FOXP2: variants seen among roughly 807,000 people sequenced by gnomAD.
FOXP2 encodes forkhead box P2, also known as forkhead box protein P2.
Under a neutral mutation model 115.8 loss-of-function variants are expected in FOXP2, and 12 were observed. The ratio of observed to expected loss-of-function variants is 0.10; its 90% CI spans 0.07 to 0.17. FOXP2 has a LOEUF of 0.17. FOXP2 is among the 10% of genes least tolerant of loss of function. FOXP2 has a pLI of 1.00. For synonymous variants in FOXP2, 328 were observed against 297.7 expected, an observed-to-expected ratio of 1.10 and a Z score of -1.05; for missense variants, 629 against 843.5, an observed-to-expected ratio of 0.75 and a Z score of 3.15.
chr7:114,139,270 G>A (rs1190421132), intron 1 of FOXP2, among the ~76,000 whole-genome samples: 2 of 152,034 alleles, frequency 1.3e-5, no homozygotes, highest in East Asian at 3.9e-4. Context: ...CATCCTCTGG[G>A]CCTGTAGTTT....
intron 1 of FOXP2, chr7:114,287,880 A>G: frequency 3.9e-6 from 1 of 259,192 alleles, no homozygotes; most frequent in Non-Finnish European, 7.7e-6. Flanking sequence ...AATATTCACA[A>G]AGTAATGCAT....
intron 1 of FOXP2, among the ~76,000 whole-genome samples, chr7:114,262,391 T>C (rs937645062): frequency 1.3e-5 from 2 of 152,148 alleles, no homozygotes; most frequent in African/African-American, 4.8e-5. Flanking sequence ...ATCATTGCAC[T>C]CCAGCCTAGG....
intron 3 of FOXP2, among the ~76,000 whole-genome samples, chr7:114,549,511 G>A (rs1160724256): frequency 6.6e-6 from 1 of 152,138 alleles, no homozygotes; most frequent in Non-Finnish European, 1.5e-5. Context: ...AAGAATGTGA[G>A]GTCTCTATGC....
intron 16 of FOXP2, among the ~76,000 whole-genome samples, chr7:114,670,184 C>T (rs1807418170): frequency 6.6e-6 from 1 of 151,902 alleles, no homozygotes; most frequent in Non-Finnish European, 1.5e-5. Flanking sequence ...TTATTTTCTC[C>T]TGTTAGTAAA....
At chr7:114,128,215 C>A (rs1223879096) in intron 1 of FOXP2, among the ~76,000 whole-genome samples, 1 of 152,050 alleles carries the variant, frequency 6.6e-6, no homozygotes, top group African/African-American at 2.4e-5. Flanking sequence ...TGTAAAAGAC[C>A]TTGGTTTTAA....
intron 8 of FOXP2, 135 bp from the exon 9 acceptor site, chr7:114,652,068 C>T: frequency 1.3e-6 from 1 of 773,138 alleles, no homozygotes; most frequent in Non-Finnish European, 2.3e-6. Flanking sequence ...TAACTTTTAT[C>T]TGTATGGTTT....
In FOXP2 at chr7:114,537,938, T is replaced by C. The variant is rs1043695237; in HGVS notation, c.258+3232T>C. On this transcript the variant is annotated intron_variant, in intron 3 of 16. Coordinates refer to ENST00000350908, the MANE Select transcript of FOXP2 (RefSeq NM_014491.4). ...AGATGTTTCTGCTTTACATTCTTAC[T>C]GTGTATACCAGAAAACATATCCTAA... Among the ~76,000 whole-genome samples the C allele has an allele frequency of 6.6e-5, 10 of 151,696 alleles. 1 individual carries two copies. Among genetic ancestry groups the C allele is most frequent in the African/African-American group, 1.9e-4 (8 of 41,418 alleles).
chr7:114,089,881 T>C (rs184780096), intron 1 of FOXP2, among the ~76,000 whole-genome samples: 346 of 152,146 alleles, frequency 2.3e-3, no homozygotes, highest in Non-Finnish European at 3.2e-3. Context: ...TATTGAAGTA[T>C]GTGAAAATAA....
intron 2 of FOXP2, among the ~76,000 whole-genome samples, chr7:114,430,465 T>G (rs997311520): frequency 6.6e-6 from 1 of 151,804 alleles, no homozygotes; most frequent in Non-Finnish European, 1.5e-5. Context: ...ATTTTAGACA[T>G]TGTTTGACTA....
intron 1 of FOXP2, among the ~76,000 whole-genome samples, chr7:114,091,675 G>T (rs113646535): frequency 1.3e-3 from 192 of 151,810 alleles, no homozygotes; most frequent in African/African-American, 4.3e-3. Flanking sequence ...ACTGTTTCAT[G>T]TTGTAATTGT....
In FOXP2 at chr7:114,456,078, C is replaced by T. The variant is rs1235620687; in HGVS notation, c.168+29399C>T. ...CCCTCCCCTCACTCTCATCCTCATT[C>T]CCACTAGTTATGTCATTTATTCCAA... is the stretch of plus-strand genomic sequence containing the variant. On this transcript the variant is annotated intron_variant, in intron 2 of 16. Transcript: ENST00000350908. Among the ~76,000 whole-genome samples the T allele has an allele frequency of 2.0e-5, 3 of 152,148 alleles. No individual in the cohort carries two copies. The East Asian group carries it at 5.8e-4, about 29-fold the overall frequency.
chr7:114,526,959 T>C (rs1207158351), intron 2 of FOXP2, among the ~76,000 whole-genome samples: 1 of 151,450 alleles, frequency 6.6e-6, no homozygotes, highest in Non-Finnish European at 1.5e-5. Flanking sequence ...TTCCATTCTA[T>C]CTTACGTCTG....
chr7:114,425,049 T>G (rs1200518139), intron 1 of FOXP2, among the ~76,000 whole-genome samples: 1 of 151,500 alleles, frequency 6.6e-6, no homozygotes, highest in Non-Finnish European at 1.5e-5. Context: ...AAAAATGTCT[T>G]TTGGGTATGT....
intron 1 of FOXP2, among the ~76,000 whole-genome samples, chr7:114,231,320 G>T (rs910852598): frequency 3.3e-5 from 5 of 152,094 alleles, no homozygotes; most frequent in African/African-American, 1.2e-4. Flanking sequence ...CAGATTTATT[G>T]CAATTCCTAT....
intron 1 of FOXP2, among the ~76,000 whole-genome samples, chr7:114,115,144 T>A (rs1486607547): frequency 6.6e-6 from 1 of 152,134 alleles, no homozygotes; most frequent in African/African-American, 2.4e-5. Context: ...TGCCTGCTGA[T>A]GTAGTCTTCT....
intron 2 of FOXP2, among the ~76,000 whole-genome samples, chr7:114,463,747 C>T (rs1200213524): frequency 6.6e-6 from 1 of 152,164 alleles, no homozygotes; most frequent in Non-Finnish European, 1.5e-5. Context: ...ATTCCATAAT[C>T]TCTGTTATGG....
intron 1 of FOXP2, among the ~76,000 whole-genome samples, chr7:114,192,839 A>G (rs894718918): frequency 3.9e-5 from 6 of 152,224 alleles, no homozygotes; most frequent in African/African-American, 9.6e-5. Flanking sequence ...TTTACTTTCC[A>G]TATAGTGAAG....
chr7:114,103,434 AT>A (rs1051167537), intron 1 of FOXP2, among the ~76,000 whole-genome samples: 6 of 151,888 alleles, frequency 4.0e-5, no homozygotes, highest in Admixed American at 2.0e-4. Context: ...GTATTTATTT[AT>A]TTTTTTTAAG....
At chr7:114,321,720 G>A (rs1797426471) in intron 2 of FOXP2, among the ~76,000 whole-genome samples, 2 of 152,094 alleles carry the variant, frequency 1.3e-5, no homozygotes, top group Non-Finnish European at 2.9e-5. Flanking sequence ...TTGCAAGCTG[G>A]TAGAGTCTCC....
Sources: gnomAD v4.1 joint callset for allele counts (sites outside exome capture counted in the v4.1 genomes callset) on GRCh38, gnomAD v4.1.1 for gene constraint, MANE v1.5 for transcripts, NCBI Gene and HGNC (gene_info 2026-07-23, HGNC 2026-07-21) for gene names.